The following LCMT1 variants were observed in gnomAD, a reference collection of about 807,000 sequenced individuals.
LCMT1 encodes the protein leucine carboxyl methyltransferase 1.
Under a neutral mutation model 47.7 loss-of-function variants are expected in LCMT1, and 32 were observed. The observed-to-expected ratio is 0.67, with a 90% CI of 0.51 to 0.90. LCMT1 has a LOEUF of 0.90. Among genes scored for constraint, LCMT1 ranks in the 40% least tolerant of loss-of-function variants. The probability of loss-of-function intolerance (pLI) is 0.00; values close to 1 mark genes in which losing one functional copy is unlikely to be tolerated. For missense variants in LCMT1, 375 were observed against 415.2 expected (o/e 0.90, Z 0.84); for synonymous variants, 152 against 149.7 (o/e 1.02, Z -0.11).
At chr16:25,161,051 C>A in intron 5 of LCMT1, 51 bp from the exon 6 acceptor site, 1 of 1,109,442 alleles carries the variant, frequency 9.0e-7, no homozygotes, top group Non-Finnish European at 1.3e-6. Flanking sequence ...GCTACTATAA[C>A]TTTGGAAAAG....
intron 7 of LCMT1, among the ~76,000 whole-genome samples, chr16:25,167,782 A>G (rs1961629631): frequency 6.6e-6 from 1 of 152,144 alleles, no homozygotes; most frequent in Non-Finnish European, 1.5e-5. Context: ...ATGTTTTGAG[A>G]TGGAGTCTTA....
In LCMT1 at chr16:25,120,731, G is replaced by GTTTTTT. The variant is rs1434579218; in HGVS notation, c.114-7742_114-7737dup. ...GGCGTGAGACACCGCACCTGGCCTT[G>GTTTTTT]TTTTTTTGTTTTTTTTTTTTGTTTT... On this transcript the variant is annotated intron_variant, in intron 1 of 10. Coordinates refer to ENST00000399069, the MANE Select transcript of LCMT1 (RefSeq NM_016309.3). Among the ~76,000 whole-genome samples, 49 of 132,452 alleles carry GTTTTTT rather than the reference G, an allele frequency of 3.7e-4. 1 individual carries two copies. Among genetic ancestry groups the GTTTTTT allele is most frequent in the African/African-American group, 1.3e-3 (45 of 34,350 alleles). 86.9% of individuals were successfully genotyped at this position (132,452 alleles called of 152,430 possible). A position where few individuals can be genotyped will look rare whatever the true frequency, so the allele number is the denominator to read the frequency against.
chr16:25,155,512 A>T (rs1056633482), intron 5 of LCMT1, among the ~76,000 whole-genome samples: 6 of 152,164 alleles, frequency 3.9e-5, no homozygotes, highest in African/African-American at 1.4e-4. Flanking sequence ...GCACCACAGC[A>T]CTTCATTCTG....
chr16:25,125,057 A>AT (rs1473903410), intron 1 of LCMT1, among the ~76,000 whole-genome samples: 2 of 152,198 alleles, frequency 1.3e-5, no homozygotes, highest in Non-Finnish European at 2.9e-5. Context: ...GAGATGTTTG[A>AT]TTTTTTGAAT....
chr16:25,161,086 C>T lies in LCMT1; in HGVS notation c.467-16C>T, dbSNP rs776903775. 1.3e-6 allele frequency: 2 copies of T among 1,504,518 alleles called. No homozygotes were observed. The highest frequency in any genetic ancestry group is 1.8e-6 in the Non-Finnish European group (2 of 1,090,102). The allele number at this position is 1,504,518 out of a possible 1,614,324, so 93.2% of individuals were successfully genotyped here. ...GACATATTCATTAAAATTATAGCCT[C>T]TGATTGCATTTGCAGATGGACACAT... On this transcript the variant is annotated splice_polypyrimidine_tract_variant and intron_variant, in intron 5 of 10. Coordinates refer to ENST00000399069, the MANE Select transcript of LCMT1 (RefSeq NM_016309.3).
intron 7 of LCMT1, among the ~76,000 whole-genome samples, chr16:25,168,604 A>T (rs1429558555): frequency 6.6e-6 from 1 of 152,168 alleles, no homozygotes; most frequent in Non-Finnish European, 1.5e-5. Context: ...TTCTATGTAC[A>T]TAGAGAGATT....
rs748304475 is a variant in LCMT1 at position 25,154,489 on chromosome 16, C to CTTT, written c.466+2891_466+2893dup. ...ACGCTTCATAACACATGGATGTGTT[C>CTTT]TTTTTTTTTTTTTTTTTTTGAGAGT... On this transcript the variant is annotated intron_variant, in intron 5 of 10. Coordinates refer to ENST00000399069, the MANE Select transcript of LCMT1 (RefSeq NM_016309.3). 1.1e-4 allele frequency among the ~76,000 whole-genome samples: 13 copies of CTTT among 123,748 alleles called. 1 individual carries two copies. The highest frequency in any genetic ancestry group is 1.4e-4 in the Non-Finnish European group (8 of 57,960). The allele number at this position is 123,748 out of a possible 152,430, so 81.2% of individuals were successfully genotyped here. A position where few individuals can be genotyped will look rare whatever the true frequency, so the allele number is the denominator to read the frequency against.
At chr16:25,157,526 A>C (rs542376034) in intron 5 of LCMT1, among the ~76,000 whole-genome samples, 1 of 152,118 alleles carries the variant, frequency 6.6e-6, no homozygotes, top group Non-Finnish European at 1.5e-5. Flanking sequence ...GGGTGATACA[A>C]TGCAACGCTG....
At chr16:25,175,204 C>T (rs117764208) in intron 10 of LCMT1, among the ~76,000 whole-genome samples, 170 bp downstream of exon 10, 4 of 152,076 alleles carry the variant, frequency 2.6e-5, no homozygotes, top group African/African-American at 9.7e-5. Context: ...TGCAGTGGCA[C>T]GGTCATAGCT....
rs145697787 is a variant in LCMT1, at chr16:25,126,081, G to A, written c.114-2394G>A. On this transcript the variant is annotated intron_variant, in intron 1 of 10. Coordinates refer to ENST00000399069, the MANE Select transcript of LCMT1 (RefSeq NM_016309.3). ...ACAGTGAGGTCCTTCTTCCTAGGGC[G>A]CATGGAAACCTGTTGCAGTCACCTG... 1.1e-4 allele frequency: 144 copies of A among 1,351,260 alleles called. No homozygotes were observed. In the African/African-American group the frequency reaches 1.8e-3, roughly 17 times the overall value. The allele number at this position is 1,351,260 out of a possible 1,614,324, so 83.7% of individuals were successfully genotyped here.
intron 4 of LCMT1, chr16:25,145,847 C>T (rs1960833555): frequency 6.6e-6 from 1 of 152,250 alleles, no homozygotes. Context: ...TTAGCCTGTC[C>T]TAGGACTGAA....
At chr16:25,158,911 G>T (rs568296757) in intron 5 of LCMT1, 1 of 152,194 alleles carries the variant, frequency 6.6e-6, no homozygotes, top group Non-Finnish European at 1.5e-5. Context: ...TTCCCATGTG[G>T]TATACCAGTA....
Position 25,173,904 on chromosome 16 carries a change from A to G in LCMT1, c.885-1033A>G, listed in dbSNP as rs1175723657. ...TTTGTGCATGTTTCTCTGTGTGTGT[A>G]TATAGTTATTTATTTTTATTTTTTT... On this transcript the variant is annotated intron_variant, in intron 9 of 10. Transcript: ENST00000399069. Among the ~76,000 whole-genome samples the G allele has an allele frequency of 2.6e-5, 4 of 152,038 alleles. No homozygotes were observed. The East Asian group carries it at 7.8e-4, about 29-fold the overall frequency.
chr16:25,156,173 AC>A (rs1003733584), intron 5 of LCMT1, among the ~76,000 whole-genome samples: 12 of 151,532 alleles, frequency 7.9e-5, no homozygotes, highest in Non-Finnish European at 1.5e-5. Flanking sequence ...TTAAAGACAG[AC>A]CCCCTTCCTG....
In LCMT1 at chr16:25,128,475, G is replaced by T; in HGVS notation, c.114G>T (p.Arg38Ser). 6.2e-7 allele frequency: 1 copy of T among 1,606,124 alleles called. No individual in the cohort carries two copies. The highest frequency in any genetic ancestry group is 8.5e-7 in the Non-Finnish European group (1 of 1,175,900). The change falls in exon 2 of 11, where the codon AGG (arginine) becomes AGT (serine). Residue 38 changes from arginine to serine, a missense_variant and splice_region_variant. Coordinates refer to ENST00000399069, the MANE Select transcript of LCMT1 (RefSeq NM_016309.3). ...CTTCCTCCTTTTTTCTCCCTTCCAG[G>T]TTTGCAGTAAGCATTGGCTACTGGC... ...GTCEDASLCK[R>S]FAVSIGYWHD...
At position 25,128,808 on chromosome 16, in the gene LCMT1, A is replaced by G. The variant is rs183425503; in HGVS notation, c.205+242A>G. Among the ~76,000 whole-genome samples, 1,392 of 150,520 alleles carry G rather than the reference A, an allele frequency of 9.2e-3. 6 individuals carry two copies. The highest frequency in any genetic ancestry group is 0.023 in the East Asian group (115 of 4,940). ...CCATTCTTAGCAAACTAACAGAGGAACAGAAAACCAAACACCGCATGTTCT... is the reference window on the plus strand; with the variant it reads ...CCATTCTTAGCAAACTAACAGAGGAGCAGAAAACCAAACACCGCATGTTCT... On this transcript the variant is annotated intron_variant, in intron 2 of 10. Coordinates refer to ENST00000399069, the MANE Select transcript of LCMT1 (RefSeq NM_016309.3).
At chr16:25,125,645 A>G (rs955334749) in intron 1 of LCMT1, among the ~76,000 whole-genome samples, 2 of 152,044 alleles carry the variant, frequency 1.3e-5, no homozygotes, top group East Asian at 3.9e-4. Context: ...CCAGCTGCCC[A>G]AGGTGGTGAA....
chr16:25,125,306 C>G (rs954472987), intron 1 of LCMT1, among the ~76,000 whole-genome samples: 2 of 152,196 alleles, frequency 1.3e-5, no homozygotes, highest in Non-Finnish European at 2.9e-5. Context: ...GGTTTGTTCA[C>G]CTGATACTAT....
intron 4 of LCMT1, chr16:25,140,656 A>T: frequency 5.8e-6 from 1 of 172,762 alleles, no homozygotes; most frequent in Non-Finnish European, 1.3e-5. Context: ...TAAGGTATGC[A>T]GGCTGGGCTG....
Sources: allele counts gnomAD v4.1 joint callset (sites outside exome capture counted in the v4.1 genomes callset), GRCh38; gene constraint gnomAD v4.1.1; transcripts MANE v1.5; gene names NCBI Gene and HGNC (gene_info 2026-07-23, HGNC 2026-07-21).